TBC1D32: variants seen among roughly 807,000 people sequenced by gnomAD.
The protein encoded by TBC1D32 is TBC1 domain family member 32.
TBC1D32 carries 151 observed loss-of-function variants against 170.3 expected under a neutral mutation model. The observed-to-expected ratio is 0.89, with a 90% CI of 0.78 to 1.01. The LOEUF is 1.01. TBC1D32 is among the 50% of genes least tolerant of loss of function. The pLI is 0.00. For missense variants in TBC1D32, 1,464 were observed against 1,457.1 expected, an observed-to-expected ratio of 1.00 and a Z score of -0.08; for synonymous variants, 498 against 488.0, an observed-to-expected ratio of 1.02 and a Z score of -0.27.
chr6:121,227,211 G>A (rs1377733511), intron 20 of TBC1D32, among the ~76,000 whole-genome samples: 1 of 152,156 alleles, frequency 6.6e-6, no homozygotes, highest in Non-Finnish European at 1.5e-5. Flanking sequence ...TAAACCACTA[G>A]AAGACACTAA....
intron 3 of TBC1D32, among the ~76,000 whole-genome samples, chr6:121,314,143 C>T (rs13215449): frequency 1.3e-5 from 2 of 152,306 alleles, no homozygotes; most frequent in African/African-American, 4.8e-5. Context: ...TTTCCAGCTT[C>T]TAGAGGCTGC....
At chr6:121,154,223 T>C (rs557772784) in intron 24 of TBC1D32, among the ~76,000 whole-genome samples, 21 of 152,066 alleles carry the variant, frequency 1.4e-4, no homozygotes, top group Non-Finnish European at 2.5e-4. Flanking sequence ...CAGTCTCTAA[T>C]GGCCTCCCTT....
At chr6:121,301,289 C>A (rs1806438796) in intron 9 of TBC1D32, among the ~76,000 whole-genome samples, 1 of 152,060 alleles carries the variant, frequency 6.6e-6, no homozygotes, top group Admixed American at 6.6e-5. Flanking sequence ...TGGAACCAAC[C>A]CAAATGCCCA....
chr6:121,106,199 T>C, intron 29 of TBC1D32, 36 bp from the exon 30 acceptor site: 2 of 1,235,408 alleles, frequency 1.6e-6, no homozygotes, highest in Non-Finnish European at 1.0e-6. Context: ...TTTTATTAAT[T>C]TTATTATTTA....
chr6:121,101,896 G>A (rs191412011), intron 30 of TBC1D32, among the ~76,000 whole-genome samples: 1 of 152,070 alleles, frequency 6.6e-6, no homozygotes, highest in Non-Finnish European at 1.5e-5. Flanking sequence ...AAAGTCTCAG[G>A]ATACAAAATC....
chr6:121,085,519 A>T (rs1776174132), intron 31 of TBC1D32, among the ~76,000 whole-genome samples: 1 of 151,564 alleles, frequency 6.6e-6, no homozygotes, highest in South Asian at 2.1e-4. Context: ...AATCCTTGGC[A>T]TTGGCATTGG....
intron 22 of TBC1D32, among the ~76,000 whole-genome samples, chr6:121,195,696 A>G (rs976384409): frequency 2.6e-5 from 4 of 152,148 alleles, no homozygotes; most frequent in Admixed American, 2.6e-4. Flanking sequence ...CCTCATGGTG[A>G]GTTCCCTATG....
intron 12 of TBC1D32, among the ~76,000 whole-genome samples, chr6:121,285,432 A>T (rs1235078976): frequency 6.6e-6 from 1 of 152,096 alleles, no homozygotes; most frequent in Non-Finnish European, 1.5e-5. Flanking sequence ...TTCATTAGAG[A>T]CCCAGTCCCT....
rs34914027 is a variant in TBC1D32 at position 121,247,695 on chromosome 6, C to CAAAAAAAAAAAAAAAAAA, written c.2019-5374_2019-5357dup. On this transcript the variant is annotated intron_variant, in intron 17 of 31. Transcript: ENST00000398212. ...ATATCAGATAAAACAGGCTTTAAAG[C>CAAAAAAAAAAAAAAAAAA]AAAAAAAAAAAAAAAAAAAAAAAGA... 5.6e-4 allele frequency among the ~76,000 whole-genome samples: 26 copies of CAAAAAAAAAAAAAAAAAA among 46,566 alleles called. 2 individuals carry two copies. Among genetic ancestry groups the CAAAAAAAAAAAAAAAAAA allele is most frequent in the African/African-American group, 2.2e-3 (22 of 9,798 alleles). 30.5% of individuals were successfully genotyped at this position (46,566 alleles called of 152,430 possible).
At chr6:121,174,154 T>C (rs944940759) in intron 22 of TBC1D32, among the ~76,000 whole-genome samples, 7 of 128,088 alleles carry the variant, frequency 5.5e-5, no homozygotes, top group Admixed American at 4.3e-4. Flanking sequence ...AAAACTGTCA[T>C]AGAAATGAAA....
At chr6:121,149,980 G>T (rs1292289747) in intron 24 of TBC1D32, among the ~76,000 whole-genome samples, 1 of 151,960 alleles carries the variant, frequency 6.6e-6, no homozygotes, top group Non-Finnish European at 1.5e-5. Flanking sequence ...CACATCCCTT[G>T]TAAGTTGGAT....
rs187864460 is a variant in TBC1D32 at position 121,204,180 on chromosome 6, T to C, written c.2570+895A>G. The stretch of plus-strand genomic sequence containing the variant: ...CTATAGACTAAAAATTAAAATTTAA[T>C]GTGAAAACACATTTTGAGATAAAGG... On this transcript the variant is annotated intron_variant, in intron 22 of 31. Transcript: ENST00000398212. 1.7e-3 allele frequency among the ~76,000 whole-genome samples: 263 copies of C among 151,416 alleles called. 11 individuals are homozygous for C. Among genetic ancestry groups the C allele is most frequent in the African/African-American group, 6.2e-3 (255 of 40,816 alleles).
At chr6:121,230,023 C>T (rs1795541293) in intron 20 of TBC1D32, among the ~76,000 whole-genome samples, 1 of 152,066 alleles carries the variant, frequency 6.6e-6, no homozygotes, top group Admixed American at 6.6e-5. Context: ...TGTAAGTTTC[C>T]TGAGGCCTCC....
intron 24 of TBC1D32, 125 bp from the exon 25 acceptor site, chr6:121,131,877 G>GAAGA: frequency 8.1e-6 from 5 of 618,988 alleles, no homozygotes; most frequent in Non-Finnish European, 1.3e-5. Flanking sequence ...AAGGAAAACA[G>GAAGA]ATATTCTTCT....
Position 121,256,181 on chromosome 6 carries a change from A to G in TBC1D32, c.1838T>C (p.Phe613Ser). Reference protein sequence around the residue: ...SEMLPVVKGAFISVCRHIYST... With the variant: ...SEMLPVVKGASISVCRHIYST... ...ATATATGTGACGACACACAGAAATA[A>G]AAGCTCCTTTAACCACAGGCAACAT... is the stretch of plus-strand genomic sequence containing the variant. The change falls in exon 16 of 32, where the codon TTT becomes TCT. Residue 613 changes from phenylalanine (F) to serine (S), a missense_variant. By Grantham distance (155) the Phe-to-Ser change is radical. Transcript: ENST00000398212. The G allele has an allele frequency of 6.2e-7, 1 of 1,614,044 alleles. No homozygotes were observed. The highest frequency in any genetic ancestry group is 8.5e-7 in the Non-Finnish European group (1 of 1,179,950).
At chr6:121,321,901 G>A in intron 1 of TBC1D32, 107 bp from the exon 2 acceptor site, 1 of 1,011,634 alleles carries the variant, frequency 9.9e-7, no homozygotes, top group Non-Finnish European at 1.4e-6. Flanking sequence ...CTTAAACTAG[G>A]ATTAAATTAG....
At chr6:121,212,244 C>G (rs1793161658) in intron 21 of TBC1D32, among the ~76,000 whole-genome samples, 1 of 151,628 alleles carries the variant, frequency 6.6e-6, no homozygotes, top group Non-Finnish European at 1.5e-5. Context: ...GCCTACCAAC[C>G]AAAAAAAGCC....
chr6:121,278,961 A>G (rs1163135791), intron 15 of TBC1D32, among the ~76,000 whole-genome samples, 160 bp downstream of exon 15: 1 of 152,096 alleles, frequency 6.6e-6, no homozygotes, highest in African/African-American at 2.4e-5. Context: ...GAACTCTCCT[A>G]TTCTTATTTT....
At chr6:121,155,905 G>T (rs1390138347) in intron 24 of TBC1D32, among the ~76,000 whole-genome samples, 1 of 152,010 alleles carries the variant, frequency 6.6e-6, no homozygotes, top group Non-Finnish European at 1.5e-5. Flanking sequence ...TATGCTGCTG[G>T]ATTTCATTTA....
Sources: gnomAD v4.1 joint callset for allele counts (sites outside exome capture counted in the v4.1 genomes callset) on GRCh38, gnomAD v4.1.1 for gene constraint, MANE v1.5 for transcripts, NCBI Gene and HGNC (gene_info 2026-07-23, HGNC 2026-07-21) for gene names.